RASEF: variants seen among roughly 807,000 people sequenced by gnomAD.
RASEF encodes RAS and EF-hand domain containing.
RASEF carries 68 observed loss-of-function variants against 90.1 expected under a neutral mutation model. The observed-to-expected ratio is 0.75, with a 90% CI of 0.62 to 0.92. RASEF has a LOEUF of 0.92. Ranked by LOEUF, RASEF falls within the 40% of genes least tolerant of loss-of-function variation. The pLI, the probability that RASEF is intolerant of heterozygous loss-of-function variation, is 0.00. For synonymous variants in RASEF, 331 were observed against 345.2 expected (o/e 0.96, Z 0.46); for missense variants, 949 against 937.2 (o/e 1.01, Z -0.16).
At chr9:83,149,065 G>A in the RASEF span, among the ~76,000 whole-genome samples, 1 of 152,222 alleles carries the variant, frequency 6.6e-6, no homozygotes, top group Non-Finnish European at 1.5e-5. Context: ...AAGGCAGTCG[G>A]TGATAGGGAT....
chr9:83,045,329 A>T (rs1311425864), intron 1 of RASEF, among the ~76,000 whole-genome samples: 1 of 152,212 alleles, frequency 6.6e-6, no homozygotes, highest in Non-Finnish European at 1.5e-5. Flanking sequence ...GTATGCTAGG[A>T]CTGATGAAAA....
chr9:83,033,841 T>C (rs1428404745), intron 1 of RASEF, among the ~76,000 whole-genome samples: 2 of 152,170 alleles, frequency 1.3e-5, no homozygotes, highest in Admixed American at 6.5e-5. Flanking sequence ...ATTATTTCTC[T>C]TTTTGGGTAA....
At chr9:83,133,634 G>A in the RASEF span, among the ~76,000 whole-genome samples, 1 of 152,078 alleles carries the variant, frequency 6.6e-6, no homozygotes, top group East Asian at 1.9e-4. Context: ...AGACAATGAG[G>A]CACTCTCCAT....
chr9:83,090,186 A>AT, the RASEF span, among the ~76,000 whole-genome samples: 7 of 151,950 alleles, frequency 4.6e-5, no homozygotes, highest in African/African-American at 1.7e-4. Flanking sequence ...CAGAATTTCT[A>AT]TTTTTTTAAA....
the RASEF span, among the ~76,000 whole-genome samples, chr9:83,089,937 GATAGATAGATATAGATAT>G: frequency 6.7e-6 from 1 of 148,676 alleles, no homozygotes; most frequent in African/African-American, 2.5e-5. Context: ...TAGATAGATA[GATAGATAGATATAGATAT>G]ATAGATATAG....
intron 4 of RASEF, among the ~76,000 whole-genome samples, chr9:83,012,900 T>C (rs1829274847): frequency 6.6e-6 from 1 of 152,244 alleles, no homozygotes; most frequent in Non-Finnish European, 1.5e-5. Context: ...TTTAGAAATG[T>C]CTTACCTTCC....
At chr9:83,091,613 A>C in the RASEF span, among the ~76,000 whole-genome samples, 3,153 of 152,234 alleles carry the variant, frequency 0.021, 90 homozygotes, top group African/African-American at 0.071. Context: ...ACATCTAACT[A>C]CTCAGCCTTT....
At chr9:82,995,832 C>G (rs1353600351) in intron 14 of RASEF, among the ~76,000 whole-genome samples, 1 of 152,148 alleles carries the variant, frequency 6.6e-6, no homozygotes, top group Non-Finnish European at 1.5e-5. Context: ...TCGGTTTGAG[C>G]CCCTATTCTA....
At chr9:83,077,592 AAAAC>A in the RASEF span, among the ~76,000 whole-genome samples, 34 of 152,210 alleles carry the variant, frequency 2.2e-4, no homozygotes, top group African/African-American at 8.0e-4. Context: ...TTGGGGAAAA[AAAAC>A]AAGCAAAAAA....
chr9:83,173,786 C>T, the RASEF span, among the ~76,000 whole-genome samples: 1 of 151,720 alleles, frequency 6.6e-6, no homozygotes, highest in South Asian at 2.1e-4. Flanking sequence ...CCTGAAAGTT[C>T]TTGATGCTTG....
At chr9:83,087,050 A>G in the RASEF span, among the ~76,000 whole-genome samples, 7 of 152,228 alleles carry the variant, frequency 4.6e-5, no homozygotes, top group Non-Finnish European at 1.0e-4. Context: ...AGAGCCACTT[A>G]AAACAAGTAC....
chr9:83,040,463 A>G lies in RASEF; in HGVS notation c.432-14542T>C, dbSNP rs61730455. 8.3e-3 allele frequency among the ~76,000 whole-genome samples: 1,261 copies of G among 152,338 alleles called. 4 individuals are homozygous for G. Among genetic ancestry groups the G allele is most frequent in the Middle Eastern group, 0.014 (4 of 294 alleles). On this transcript the variant is annotated intron_variant, in intron 1 of 16. Transcript: ENST00000376447. ...CAAAGACAACATATTGCATACATAG[A>G]TAACTCACCATAGCTTCTACAAAAG...
chr9:83,141,721 C>A, the RASEF span, among the ~76,000 whole-genome samples: 17 of 152,228 alleles, frequency 1.1e-4, 1 homozygote, highest in South Asian at 3.3e-3. Context: ...TACACGTGCC[C>A]AATGGCATTG....
At chr9:83,142,219 T>A in the RASEF span, among the ~76,000 whole-genome samples, 4 of 152,190 alleles carry the variant, frequency 2.6e-5, no homozygotes, top group Non-Finnish European at 4.4e-5. Flanking sequence ...ACAATCACAC[T>A]GAAATCAAGC....
chr9:83,208,458 G>T, the RASEF span, among the ~76,000 whole-genome samples: 5 of 152,146 alleles, frequency 3.3e-5, no homozygotes, highest in African/African-American at 1.2e-4. Flanking sequence ...ATTTCTGGGT[G>T]GGCTCTGCCC....
chr9:83,168,897 T>C, the RASEF span, among the ~76,000 whole-genome samples: 1 of 152,122 alleles, frequency 6.6e-6, no homozygotes, highest in Non-Finnish European at 1.5e-5. Flanking sequence ...TTGTTAACTA[T>C]AGTCACCTTA....
chr9:83,064,001 C>T (rs1423503400), upstream of RASEF, among the ~76,000 whole-genome samples: 1 of 152,142 alleles, frequency 6.6e-6, no homozygotes, highest in Non-Finnish European at 1.5e-5. Context: ...CTCATTTTTA[C>T]TTTATTTACA....
At chr9:83,177,018 T>C in the RASEF span, among the ~76,000 whole-genome samples, 1 of 152,142 alleles carries the variant, frequency 6.6e-6, no homozygotes, top group Non-Finnish European at 1.5e-5. Context: ...CTTACTCCAA[T>C]ATGGCTTTAT....
At chr9:83,157,818 G>A in the RASEF span, among the ~76,000 whole-genome samples, 3 of 152,194 alleles carry the variant, frequency 2.0e-5, no homozygotes, top group African/African-American at 4.8e-5. Context: ...GATAATCAAA[G>A]TGTAACTTTT....
Sources: allele counts gnomAD v4.1 joint callset (sites outside exome capture counted in the v4.1 genomes callset), GRCh38; gene constraint gnomAD v4.1.1; transcripts MANE v1.5; gene names NCBI Gene and HGNC (gene_info 2026-07-23, HGNC 2026-07-21).